PPM1H: variants seen among roughly 807,000 people sequenced by gnomAD.
PPM1H encodes the protein protein phosphatase 1H.
A neutral mutation model predicts 54.9 loss-of-function variants in PPM1H; 27 were observed. The ratio of observed to expected loss-of-function variants is 0.49; its 90% CI spans 0.36 to 0.68. The LOEUF (loss-of-function observed/expected upper bound fraction) is 0.68, where lower values mean the gene tolerates loss of function less well. Among genes scored for constraint, PPM1H ranks in the 30% least tolerant of loss-of-function variants. The pLI, the probability that PPM1H is intolerant of heterozygous loss-of-function variation, is 0.00. For missense variants in PPM1H, 596 were observed against 667.8 expected, an observed-to-expected ratio of 0.89 and a Z score of 1.19; for synonymous variants, 305 against 270.8, an observed-to-expected ratio of 1.13 and a Z score of -1.24.
intron 1 of PPM1H, among the ~76,000 whole-genome samples, chr12:62,858,536 C>T (rs543719050): frequency 1.8e-4 from 27 of 152,324 alleles, no homozygotes; most frequent in South Asian, 1.4e-3. Context: ...AGCATGCAAT[C>T]TGTCTCCCCT....
chr12:62,825,183 A>G (rs1431882439), intron 2 of PPM1H, among the ~76,000 whole-genome samples: 1 of 152,216 alleles, frequency 6.6e-6, no homozygotes, highest in Non-Finnish European at 1.5e-5. Flanking sequence ...TCAGAACCAC[A>G]ATGAGATACC....
At chr12:62,908,422 A>AAAAAAAG (rs1284923713) in intron 1 of PPM1H, among the ~76,000 whole-genome samples, 32,638 of 131,456 alleles carry the variant, frequency 0.25, 5,499 homozygotes, top group Non-Finnish European at 0.38. Context: ...AAAAAAAAAA[A>AAAAAAAG]AAAGAAAGAA....
chr12:62,655,834 C>T (rs1002146238), intron 9 of PPM1H, among the ~76,000 whole-genome samples: 1 of 152,166 alleles, frequency 6.6e-6, no homozygotes, highest in African/African-American at 2.4e-5. Flanking sequence ...TGAAGAGTCT[C>T]CCCAGGAGAC....
At chr12:62,830,125 C>T (rs4763033) in intron 2 of PPM1H, among the ~76,000 whole-genome samples, 13,217 of 152,280 alleles carry the variant, frequency 0.087, 950 homozygotes, top group African/African-American at 0.2. Flanking sequence ...TAATCACTAA[C>T]GCTTATTACA....
intron 4 of PPM1H, among the ~76,000 whole-genome samples, chr12:62,777,586 A>G (rs576337508): frequency 7.2e-5 from 11 of 152,368 alleles, no homozygotes; most frequent in African/African-American, 2.4e-4. Flanking sequence ...AGGTGTATAT[A>G]TAAGTAATCC....
intron 1 of PPM1H, among the ~76,000 whole-genome samples, chr12:62,920,125 G>T (rs117091704): frequency 6.6e-6 from 1 of 152,034 alleles, no homozygotes; most frequent in South Asian, 2.1e-4. Context: ...ATCACAGGGA[G>T]AATTGCCAAG....
chr12:62,720,173 GC>G lies in PPM1H; in HGVS notation c.1070del (p.Gly357AlafsTer12), dbSNP rs1266741861. The G allele has an allele frequency of 6.3e-7, 1 of 1,593,710 alleles. No homozygotes were observed. ...GGCAGAGGAAGGCATGTTCTTACCA[GC>G]CTGTCATATTAAAGTCCCTGTAGAG... Reference protein sequence around the residue: ...KMLYRDFNMTGWAYKTIEDED... With the variant: ...KMLYRDFNMTXWAYKTIEDED... On this transcript the variant is annotated frameshift_variant, in exon 6 of 10. Transcript: ENST00000228705. LOFTEE classifies it high-confidence loss of function.
At chr12:62,724,357 C>T (rs2076278617) in intron 5 of PPM1H, among the ~76,000 whole-genome samples, 1 of 152,198 alleles carries the variant, frequency 6.6e-6, no homozygotes, top group East Asian at 1.9e-4. Flanking sequence ...AGGCGCTTTG[C>T]CTCCTAACAG....
intron 4 of PPM1H, 75 bp downstream of exon 4, chr12:62,788,151 T>C: frequency 9.8e-7 from 1 of 1,019,534 alleles, no homozygotes; most frequent in South Asian, 1.4e-5. Flanking sequence ...TTTCTAATCA[T>C]TTAATTTTTG....
Position 62,645,878 on chromosome 12 carries a change from C to G in PPM1H, c.*2611G>C, listed in dbSNP as rs1455760780. ...GAATTTCGAAGTGTGCGTCCTTTGA[C>G]TTTTCCAGGGATGCACCAGGGGCCA... On this transcript the variant is annotated 3_prime_UTR_variant, in exon 10 of 10. Transcript: ENST00000228705. The G allele has an allele frequency of 1.3e-5, 2 of 152,214 alleles. No individual in the cohort carries two copies. Among genetic ancestry groups the G allele is most frequent in the Non-Finnish European group, 2.9e-5 (2 of 68,046 alleles). 9.4% of individuals were successfully genotyped at this position (152,214 alleles called of 1,614,324 possible). A position where few individuals can be genotyped will look rare whatever the true frequency, so the allele number is the denominator to read the frequency against.
rs1487868420 is a variant in PPM1H, at chr12:62,934,090, C to G, written c.245+402G>C. Reference sequence around the variant, plus strand: ...CTCCACCCCCATAAACTCTTCATCACGCGGGGGCGTCAACTATATTTTGGG... The same window carrying G: ...CTCCACCCCCATAAACTCTTCATCAGGCGGGGGCGTCAACTATATTTTGGG... On this transcript the variant is annotated intron_variant, in intron 1 of 9. Coordinates refer to ENST00000228705, the MANE Select transcript of PPM1H (RefSeq NM_020700.2). This position sits in a 1 kb window ranked among gnomAD's most constrained non-coding sequence, Gnocchi z 4.2. 6.0e-6 allele frequency: 1 copy of G among 165,974 alleles called. No individual in the cohort carries two copies. Among genetic ancestry groups the G allele is most frequent in the African/African-American group, 2.4e-5 (1 of 41,986 alleles). 10.3% of individuals were successfully genotyped at this position (165,974 alleles called of 1,614,324 possible).
At chr12:62,832,980 T>C (rs983131079) in intron 1 of PPM1H, among the ~76,000 whole-genome samples, 1 of 152,210 alleles carries the variant, frequency 6.6e-6, no homozygotes, top group Non-Finnish European at 1.5e-5. Flanking sequence ...GTTTTAAGCA[T>C]AGAAATGCTT....
intron 4 of PPM1H, among the ~76,000 whole-genome samples, chr12:62,778,894 G>A (rs2120673026): frequency 6.6e-6 from 1 of 151,674 alleles, no homozygotes; most frequent in African/African-American, 2.4e-5. Context: ...CCATGCTACT[G>A]CACTCCAGCC....
At chr12:62,708,168 T>A (rs1277345152) in intron 6 of PPM1H, among the ~76,000 whole-genome samples, 2 of 152,256 alleles carry the variant, frequency 1.3e-5, no homozygotes, top group Non-Finnish European at 2.9e-5. Flanking sequence ...AGATCTGCTT[T>A]CAGCTCTCCA....
At chr12:62,668,226 A>AT (rs1220631821) in intron 8 of PPM1H, among the ~76,000 whole-genome samples, 1 of 152,136 alleles carries the variant, frequency 6.6e-6, no homozygotes, top group Non-Finnish European at 1.5e-5. Context: ...GAGGGGAGGG[A>AT]TAGGGAGGTG....
chr12:62,767,206 G>C (rs769769533), intron 4 of PPM1H, among the ~76,000 whole-genome samples: 1 of 152,142 alleles, frequency 6.6e-6, no homozygotes, highest in African/African-American at 2.4e-5. Flanking sequence ...GGGCAACATC[G>C]GGATGTGAGT....
chr12:62,697,745 A>G (rs746492897), intron 6 of PPM1H, among the ~76,000 whole-genome samples: 1 of 152,176 alleles, frequency 6.6e-6, no homozygotes, highest in Non-Finnish European at 1.5e-5. Context: ...ACCACATCCT[A>G]AGATTTTTGA....
chr12:62,922,336 C>T (rs1412444760), intron 1 of PPM1H, among the ~76,000 whole-genome samples: 1 of 148,132 alleles, frequency 6.8e-6, no homozygotes, highest in African/African-American at 2.5e-5. Context: ...GATAGGATGT[C>T]TTTTTTTTTT....
chr12:62,680,241 T>TCC (rs549680289), intron 8 of PPM1H, among the ~76,000 whole-genome samples: 1 of 151,954 alleles, frequency 6.6e-6, no homozygotes, highest in African/African-American at 2.4e-5. Flanking sequence ...TCTCTCTCTT[T>TCC]CTCTTTCCCT....
Sources: allele counts gnomAD v4.1 joint callset (sites outside exome capture counted in the v4.1 genomes callset), GRCh38; gene constraint gnomAD v4.1.1; non-coding constraint Gnocchi (gnomAD v3.1); transcripts MANE v1.5; gene names NCBI Gene and HGNC (gene_info 2026-07-23, HGNC 2026-07-21).